The following FAM135B variants were observed in gnomAD, a reference collection of about 807,000 sequenced individuals.
FAM135B encodes protein FAM135B.
FAM135B carries 43 observed loss-of-function variants against 127.7 expected under a neutral mutation model. That is an observed-to-expected ratio of 0.34 (90% CI 0.26 to 0.43). The LOEUF is 0.43. Among genes scored for constraint, FAM135B ranks in the 20% least tolerant of loss-of-function variants. FAM135B has a pLI of 1.00. For synonymous variants in FAM135B, 670 were observed against 665.1 expected (o/e 1.01, Z -0.11); for missense variants, 1,558 against 1,725.6 (o/e 0.90, Z 1.72).
At chr8:138,269,094 A>C (rs551914883) in intron 3 of FAM135B, among the ~76,000 whole-genome samples, 1 of 152,334 alleles carries the variant, frequency 6.6e-6, no homozygotes, top group Admixed American at 6.5e-5. Flanking sequence ...ACAACTTAAC[A>C]CAGAATTTCA....
At chr8:138,210,161 C>A (rs1336808241) in intron 7 of FAM135B, among the ~76,000 whole-genome samples, 1 of 152,122 alleles carries the variant, frequency 6.6e-6, no homozygotes, top group Non-Finnish European at 1.5e-5. Context: ...ACATTGTGAC[C>A]ATTGTGTCTG....
chr8:138,267,586 A>G (rs1227945271), intron 3 of FAM135B, among the ~76,000 whole-genome samples: 1 of 151,326 alleles, frequency 6.6e-6, no homozygotes, highest in Non-Finnish European at 1.5e-5. Flanking sequence ...AAAAAAAAAA[A>G]CAGCCCAACT....
chr8:138,275,403 G>T (rs1823740786), intron 3 of FAM135B, among the ~76,000 whole-genome samples: 1 of 152,124 alleles, frequency 6.6e-6, no homozygotes, highest in Non-Finnish European at 1.5e-5. Context: ...ACTAGATGTT[G>T]GCCAGGCACG....
intron 5 of FAM135B, among the ~76,000 whole-genome samples, chr8:138,255,347 G>A (rs1821997840): frequency 6.6e-6 from 1 of 152,200 alleles, no homozygotes; most frequent in Non-Finnish European, 1.5e-5. Flanking sequence ...GCAGATAGTG[G>A]TCAGTGTGTG....
chr8:138,333,230 G>A (rs1479086689), intron 2 of FAM135B, among the ~76,000 whole-genome samples: 1 of 152,068 alleles, frequency 6.6e-6, no homozygotes, highest in African/African-American at 2.4e-5. Flanking sequence ...CTTGCCCTGG[G>A]ACAACTAAAC....
intron 3 of FAM135B, among the ~76,000 whole-genome samples, chr8:138,302,742 T>C (rs1387792724): frequency 2.0e-5 from 3 of 152,224 alleles, no homozygotes; most frequent in Non-Finnish European, 4.4e-5. Context: ...CACGTTGTAA[T>C]TGCCACACAA....
chr8:138,343,459 G>A (rs1431492296), intron 2 of FAM135B, among the ~76,000 whole-genome samples: 6 of 152,204 alleles, frequency 3.9e-5, no homozygotes, highest in African/African-American at 7.2e-5. Flanking sequence ...AGCTAACTCT[G>A]TCCCACCTCT....
At chr8:138,157,021 G>T (rs1563703513) in intron 12 of FAM135B, among the ~76,000 whole-genome samples, 1 of 152,182 alleles carries the variant, frequency 6.6e-6, no homozygotes, top group East Asian at 1.9e-4. Context: ...CAATATTCCT[G>T]ATAAACATCA....
At chr8:138,139,910 A>G (rs541580524) in intron 17 of FAM135B, among the ~76,000 whole-genome samples, 2 of 152,390 alleles carry the variant, frequency 1.3e-5, no homozygotes, top group South Asian at 4.1e-4. Flanking sequence ...TATGGTATGT[A>G]CATATATTAC....
chr8:138,439,056 A>C (rs1423114448), intron 1 of FAM135B: 1 of 152,150 alleles, frequency 6.6e-6, no homozygotes, highest in Non-Finnish European at 1.5e-5. Context: ...CCAGGCTATT[A>C]GCCTTTAGAA....
intron 1 of FAM135B, among the ~76,000 whole-genome samples, chr8:138,491,709 A>T (rs1815207719): frequency 6.6e-6 from 1 of 152,216 alleles, no homozygotes; most frequent in African/African-American, 2.4e-5. Flanking sequence ...TACGTAATAT[A>T]TTGATAAGTA....
At chr8:138,257,174 C>G (rs889822197) in intron 4 of FAM135B, among the ~76,000 whole-genome samples, 1 of 152,116 alleles carries the variant, frequency 6.6e-6, no homozygotes, top group Admixed American at 6.5e-5. Flanking sequence ...GGGATTAAGT[C>G]AGAGCAATGT....
intron 3 of FAM135B, among the ~76,000 whole-genome samples, chr8:138,283,134 C>T (rs540195870): frequency 1.3e-5 from 2 of 152,036 alleles, no homozygotes; most frequent in Non-Finnish European, 2.9e-5. Flanking sequence ...CTCTTGACCT[C>T]GTGACCCGCC....
Position 138,256,745 on chromosome 8 carries a change from C to T in FAM135B, c.312G>A (p.Leu104=), listed in dbSNP as rs1822125492. The T allele has an allele frequency of 1.9e-6, 3 of 1,613,738 alleles. No individual in the cohort carries two copies. The highest frequency in any genetic ancestry group is 1.3e-5 in the African/African-American group (1 of 74,924). ...CCTTGAGTTGAAAATCTACTTCACTCAGTGCGTCTTCCATCTGCAAAAGAA... is the reference window on the plus strand; with the variant it reads ...CCTTGAGTTGAAAATCTACTTCACTTAGTGCGTCTTCCATCTGCAAAAGAA... ...LLGGERMEDA[L]SEVDFQLKVD... Residue 104 remains leucine (L), a synonymous_variant, in exon 5 of 20, where the codon CTG becomes CTA. Transcript: ENST00000395297.
intron 2 of FAM135B, among the ~76,000 whole-genome samples, chr8:138,362,620 T>C (rs1270218633): frequency 1.3e-5 from 2 of 152,182 alleles, no homozygotes; most frequent in African/African-American, 4.8e-5. Context: ...GGTTTCTTCA[T>C]GCCACAGAAG....
chr8:138,374,704 T>C (rs1831354236), intron 1 of FAM135B, among the ~76,000 whole-genome samples: 1 of 152,194 alleles, frequency 6.6e-6, no homozygotes. Context: ...ATGTTGGTTA[T>C]GGCAGAAAAA....
chr8:138,260,278 C>T (rs1049602228), intron 4 of FAM135B, among the ~76,000 whole-genome samples: 11 of 152,132 alleles, frequency 7.2e-5, no homozygotes, highest in Admixed American at 3.3e-4. Context: ...AGGGCTGAGT[C>T]GCAACTGTTT....
chr8:138,466,775 C>A (rs1340014529), intron 1 of FAM135B, among the ~76,000 whole-genome samples: 1 of 152,186 alleles, frequency 6.6e-6, no homozygotes, highest in Non-Finnish European at 1.5e-5. Flanking sequence ...TACTTCACGT[C>A]TAGTTCAGGA....
chr8:138,476,175 C>T (rs1814423435), intron 1 of FAM135B, among the ~76,000 whole-genome samples: 1 of 151,992 alleles, frequency 6.6e-6, no homozygotes, highest in African/African-American at 2.4e-5. Context: ...ACCATGAAGA[C>T]AGTAAAATGA....
Sources: gnomAD v4.1 joint callset for allele counts (sites outside exome capture counted in the v4.1 genomes callset) on GRCh38, gnomAD v4.1.1 for gene constraint, MANE v1.5 for transcripts, NCBI Gene and HGNC (gene_info 2026-07-23, HGNC 2026-07-21) for gene names.